Variants in PPP6R2 observed in about 807,000 individuals in gnomAD.
The protein encoded by PPP6R2 is protein phosphatase 6 regulatory subunit 2, also known as serine/threonine-protein phosphatase 6 regulatory subunit 2.
PPP6R2 carries 62 observed loss-of-function variants against 100.2 expected under a neutral mutation model. The observed-to-expected ratio is 0.62, with a 90% CI of 0.50 to 0.76. PPP6R2 has a LOEUF of 0.76. Among genes scored for constraint, PPP6R2 ranks in the 30% least tolerant of loss-of-function variants. PPP6R2 has a pLI of 0.00. For missense variants in PPP6R2, 1,142 were observed against 1,276.3 expected (o/e 0.89, Z 1.60); for synonymous variants, 525 against 514.7 (o/e 1.02, Z -0.27).
In PPP6R2 at chr22:50,444,777, C is replaced by T. The variant is rs1349453538; in HGVS notation, c.*530C>T. 1 of 159,486 alleles carries T rather than the reference C, an allele frequency of 6.3e-6. No homozygotes were observed. The highest frequency in any genetic ancestry group is 2.4e-5 in the African/African-American group (1 of 41,448). The allele number at this position is 159,486 out of a possible 1,614,324, so 9.9% of individuals were successfully genotyped here. A position where few individuals can be genotyped will look rare whatever the true frequency, so the allele number is the denominator to read the frequency against. ...ATTGACCCTTGCAGCTACCCAATAGCCCTTGGAGCTGGCACTGAACCAGGC... is the reference window on the plus strand; with the variant it reads ...ATTGACCCTTGCAGCTACCCAATAGTCCTTGGAGCTGGCACTGAACCAGGC... On this transcript the variant is annotated 3_prime_UTR_variant, in exon 24 of 24. Transcript: ENST00000612753.
intron 5 of PPP6R2, among the ~76,000 whole-genome samples, chr22:50,415,428 C>G (rs1180341588): frequency 6.6e-6 from 1 of 152,222 alleles, no homozygotes; most frequent in Non-Finnish European, 1.5e-5. Context: ...ACAGTGGACA[C>G]AGGATCAGTA....
At chr22:50,349,716 G>A (rs1001879525) in intron 1 of PPP6R2, among the ~76,000 whole-genome samples, 3 of 149,030 alleles carry the variant, frequency 2.0e-5, no homozygotes, top group Non-Finnish European at 4.4e-5. Flanking sequence ...AATCCCAGCT[G>A]AGGCAGGAGA....
chr22:50,417,641 CT>C (rs1390033095), intron 6 of PPP6R2, among the ~76,000 whole-genome samples: 3 of 152,214 alleles, frequency 2.0e-5, no homozygotes, highest in African/African-American at 7.2e-5. Context: ...GCCCACAGGG[CT>C]GATCAGACAG....
the PPP6R2 span, among the ~76,000 whole-genome samples, chr22:50,336,115 G>C: frequency 2.0e-5 from 3 of 151,758 alleles, no homozygotes; most frequent in Non-Finnish European, 4.4e-5. Flanking sequence ...CTCCTGAGTA[G>C]CTGGGATTAC....
intron 1 of PPP6R2, among the ~76,000 whole-genome samples, chr22:50,370,716 C>T (rs1055368127): frequency 2.2e-4 from 34 of 152,120 alleles, no homozygotes; most frequent in African/African-American, 8.2e-4. Flanking sequence ...TCACTGCAAC[C>T]TCTGCCTCCC....
chr22:50,367,309 C>G (rs1569303710), intron 1 of PPP6R2, among the ~76,000 whole-genome samples: 1 of 151,960 alleles, frequency 6.6e-6, no homozygotes, highest in Non-Finnish European at 1.5e-5. Flanking sequence ...AGAAGTTTCC[C>G]TAGAAAAATC....
chr22:50,371,789 A>C (rs1024542899), intron 1 of PPP6R2, among the ~76,000 whole-genome samples: 7 of 152,120 alleles, frequency 4.6e-5, no homozygotes, highest in African/African-American at 1.7e-4. Flanking sequence ...GGCATGCGCC[A>C]CCACACCCGG....
intron 2 of PPP6R2, among the ~76,000 whole-genome samples, chr22:50,380,369 G>GT (rs775217006): frequency 0.016 from 2,265 of 143,394 alleles, 21 homozygotes; most frequent in East Asian, 0.031. Flanking sequence ...CACGCCTGAT[G>GT]TTTTTTTTTT....
chr22:50,363,754 G>A (rs2048226979), intron 1 of PPP6R2, among the ~76,000 whole-genome samples: 1 of 152,166 alleles, frequency 6.6e-6, no homozygotes, highest in Non-Finnish European at 1.5e-5. Flanking sequence ...ACTTGTTTCA[G>A]GATCCAGTCT....
At chr22:50,440,704 T>C (rs2065382995) in intron 21 of PPP6R2, 118 bp from the exon 22 acceptor site, 1 of 1,157,172 alleles carries the variant, frequency 8.6e-7, no homozygotes, top group Non-Finnish European at 1.3e-6. Context: ...CAGGCACATG[T>C]GTGCAGGCAA....
At chr22:50,370,042 T>A (rs964985983) in intron 1 of PPP6R2, among the ~76,000 whole-genome samples, 5 of 138,858 alleles carry the variant, frequency 3.6e-5, no homozygotes, top group Non-Finnish European at 7.5e-5. Context: ...AGCCACCACA[T>A]CCCACCTTTT....
At chr22:50,439,637 C>T (rs1171738101) in intron 19 of PPP6R2, 64 bp from the exon 20 acceptor site, 2 of 1,455,286 alleles carry the variant, frequency 1.4e-6, no homozygotes, top group Non-Finnish European at 1.8e-6. Context: ...GGGGCGCTGC[C>T]TCCCCTTTGC....
intron 4 of PPP6R2, among the ~76,000 whole-genome samples, chr22:50,409,472 G>A (rs1603280423): frequency 6.6e-6 from 1 of 152,082 alleles, no homozygotes; most frequent in Admixed American, 6.6e-5. Flanking sequence ...TCTGTCGCCA[G>A]GCTGAAGTGC....
chr22:50,423,410 G>A lies in PPP6R2; in HGVS notation c.973-52G>A. The A allele has an allele frequency of 1.2e-6, 2 of 1,608,294 alleles. No individual in the cohort carries two copies. Among genetic ancestry groups the A allele is most frequent in the Admixed American group, 3.3e-5 (2 of 59,904 alleles). On this transcript the variant is annotated intron_variant, in intron 9 of 23. Transcript: ENST00000612753. This position sits in a 1 kb window ranked among gnomAD's most constrained non-coding sequence, Gnocchi z 4.8. The stretch of plus-strand genomic sequence containing the variant: ...GGGCATGAGCCCAGAGACTCCAGCA[G>A]TGGCCTCACTGCTCACAGGGCCTAA...
intron 3 of PPP6R2, among the ~76,000 whole-genome samples, chr22:50,403,352 T>C (rs1032575800): frequency 6.6e-6 from 1 of 152,126 alleles, no homozygotes; most frequent in Non-Finnish European, 1.5e-5. Flanking sequence ...TCACCGGTCT[T>C]AGTGTTAGAG....
rs1188366859 is a variant in PPP6R2, at chr22:50,419,329, C to T, written c.732-20C>T. ...GTGTGTCTGCTCTGCCAGGCAGTGA[C>T]CTCTGTGTGTGTCCAGCAGGCAGGA... On this transcript the variant is annotated intron_variant, in intron 7 of 23. Coordinates refer to ENST00000612753, the MANE Select transcript of PPP6R2 (RefSeq NM_001242898.2). 2 of 1,605,292 alleles carry T rather than the reference C, an allele frequency of 1.2e-6. No homozygotes were observed. The highest frequency in any genetic ancestry group is 2.7e-5 in the African/African-American group (2 of 74,698).
chr22:50,351,530 T>C (rs1417033951), intron 1 of PPP6R2, among the ~76,000 whole-genome samples: 3 of 151,908 alleles, frequency 2.0e-5, no homozygotes, highest in Admixed American at 2.0e-4. Context: ...TTCATCTGTA[T>C]TGAAAAATCT....
chr22:50,393,263 G>A (rs1198950362), intron 2 of PPP6R2: 9 of 382,174 alleles, frequency 2.4e-5, no homozygotes, highest in Non-Finnish European at 3.2e-5. Context: ...AACCCTGGGT[G>A]TGATTCAGCA....
At chr22:50,331,866 C>T in the PPP6R2 span, among the ~76,000 whole-genome samples, 6 of 152,138 alleles carry the variant, frequency 3.9e-5, no homozygotes, top group South Asian at 6.2e-4. Flanking sequence ...GTGATCCACC[C>T]GCCTTGGCCT....
Sources: gnomAD v4.1 joint callset for allele counts (sites outside exome capture counted in the v4.1 genomes callset) on GRCh38, gnomAD v4.1.1 for gene constraint, Gnocchi (gnomAD v3.1) non-coding constraint, MANE v1.5 for transcripts, NCBI Gene and HGNC (gene_info 2026-07-23, HGNC 2026-07-21) for gene names.